The following TLL1 variants were observed in gnomAD, a reference collection of about 807,000 sequenced individuals.
TLL1 encodes the protein tolloid-like protein 1.
In TLL1, 49 loss-of-function variants were observed where a neutral mutation model predicts 128.2. That is an observed-to-expected ratio of 0.38 (90% confidence interval 0.30 to 0.48). The LOEUF (loss-of-function observed/expected upper bound fraction) is 0.48. Ranked by LOEUF, TLL1 falls within the 20% of genes least tolerant of loss-of-function variation. The pLI is 0.96. For missense variants in TLL1, 1,123 were observed against 1,242.0 expected, an observed-to-expected ratio of 0.90 and a Z score of 1.44; for synonymous variants, 454 against 418.8, an observed-to-expected ratio of 1.08 and a Z score of -1.03.
chr4:165,986,105 C>G (rs1736382948), intron 1 of TLL1, among the ~76,000 whole-genome samples: 1 of 151,654 alleles, frequency 6.6e-6, no homozygotes, highest in Non-Finnish European at 1.5e-5. Context: ...GACTGTTTAT[C>G]TCCAACTTTG....
At chr4:166,053,726 A>G (rs1215167237) in intron 12 of TLL1, among the ~76,000 whole-genome samples, 1 of 152,202 alleles carries the variant, frequency 6.6e-6, no homozygotes, top group Non-Finnish European at 1.5e-5. Context: ...ATTCCTTGAC[A>G]TTCTACGTAT....
intron 6 of TLL1, 36 bp downstream of exon 6, chr4:166,003,605 C>A: frequency 6.2e-7 from 1 of 1,601,636 alleles, no homozygotes; most frequent in East Asian, 2.2e-5. Flanking sequence ...TTAAGGCTGA[C>A]TGGGTATCTT....
At chr4:165,904,801 A>G (rs1732171903) in intron 1 of TLL1, among the ~76,000 whole-genome samples, 1 of 152,240 alleles carries the variant, frequency 6.6e-6, no homozygotes, top group African/African-American at 2.4e-5. Context: ...AAGTCTCAAA[A>G]TCTAATAAGA....
intron 5 of TLL1, among the ~76,000 whole-genome samples, chr4:165,997,856 T>A (rs1736953254): frequency 6.6e-6 from 1 of 152,230 alleles, no homozygotes; most frequent in Non-Finnish European, 1.5e-5. Flanking sequence ...TGCATGTTTC[T>A]AAATATATGA....
At chr4:165,906,825 C>A (rs1319314178) in intron 1 of TLL1, among the ~76,000 whole-genome samples, 2 of 142,606 alleles carry the variant, frequency 1.4e-5, no homozygotes, top group African/African-American at 5.1e-5. Flanking sequence ...CTTATTTCTC[C>A]AGTTTTTTTT....
intron 14 of TLL1, 102 bp downstream of exon 14, chr4:166,057,411 G>C: frequency 6.6e-7 from 1 of 1,506,896 alleles, no homozygotes; most frequent in Non-Finnish European, 9.0e-7. Flanking sequence ...TTTTCCTATA[G>C]TGACCTCTTT....
chr4:165,946,902 A>G (rs1385083528), intron 1 of TLL1, among the ~76,000 whole-genome samples: 8 of 152,210 alleles, frequency 5.3e-5, no homozygotes, highest in Admixed American at 1.3e-4. Context: ...AGAAAGAGGA[A>G]CAATTGCTAT....
intron 14 of TLL1, among the ~76,000 whole-genome samples, 193 bp downstream of exon 14, chr4:166,057,502 C>T (rs1351603238): frequency 6.6e-6 from 1 of 152,040 alleles, no homozygotes; most frequent in Non-Finnish European, 1.5e-5. Context: ...GGGTCCTTTC[C>T]TCCTTTGATT....
chr4:165,890,889 C>G (rs1227649903), intron 1 of TLL1, among the ~76,000 whole-genome samples: 1 of 152,196 alleles, frequency 6.6e-6, no homozygotes, highest in Non-Finnish European at 1.5e-5. Flanking sequence ...ACTGCCCTAG[C>G]AGAGGTTCTC....
At chr4:165,975,207 T>A (rs1449276733) in intron 1 of TLL1, among the ~76,000 whole-genome samples, 1 of 152,088 alleles carries the variant, frequency 6.6e-6, no homozygotes, top group Non-Finnish European at 1.5e-5. Context: ...AGTCTTTCAG[T>A]GAACAGCCTT....
At chr4:165,933,321 TGA>T (rs1368726295) in intron 1 of TLL1, among the ~76,000 whole-genome samples, 4 of 152,056 alleles carry the variant, frequency 2.6e-5, no homozygotes, top group Non-Finnish European at 5.9e-5. Context: ...GCCTCAGATC[TGA>T]GTGTTGTTCC....
At chr4:165,895,646 A>AG (rs1187779303) in intron 1 of TLL1, among the ~76,000 whole-genome samples, 1 of 148,290 alleles carries the variant, frequency 6.7e-6, no homozygotes, top group African/African-American at 2.5e-5. Flanking sequence ...AAAAAAAAAA[A>AG]AAAAAAAAAA....
At chr4:166,024,881 A>G (rs1404379660) in intron 8 of TLL1, among the ~76,000 whole-genome samples, 2 of 152,100 alleles carry the variant, frequency 1.3e-5, no homozygotes, top group Non-Finnish European at 2.9e-5. Context: ...ATTATGTAAC[A>G]TTTTTTAAAC....
At chr4:165,943,899 C>G (rs187455958) in intron 1 of TLL1, among the ~76,000 whole-genome samples, 78 of 152,238 alleles carry the variant, frequency 5.1e-4, no homozygotes, top group Non-Finnish European at 8.2e-4. Flanking sequence ...TCCTATTCCG[C>G]TTTCCTTTTA....
chr4:166,054,963 A>G (rs939118116), intron 12 of TLL1, 113 bp from the exon 13 acceptor site: 40 of 824,758 alleles, frequency 4.8e-5, no homozygotes, highest in Non-Finnish European at 7.4e-5. Context: ...CATTTGATAC[A>G]AATAACTTTT....
At chr4:165,902,873 A>G (rs1029072621) in intron 1 of TLL1, among the ~76,000 whole-genome samples, 49 of 152,212 alleles carry the variant, frequency 3.2e-4, no homozygotes, top group African/African-American at 1.1e-3. Context: ...TGTAAAACCT[A>G]AAGTTCTAAA....
At position 166,003,584 on chromosome 4, in the gene TLL1, A is replaced by G. The variant is rs755821776; in HGVS notation, c.811+15A>G. ...CATCCAGCCAGGTGAGAGGCATAGA[A>G]TGTGTTGGGTTTAAGGCTGACTGGG... On this transcript the variant is annotated intron_variant, in intron 6 of 20. Transcript: ENST00000061240. 2.4e-5 allele frequency: 39 copies of G among 1,613,500 alleles called. No homozygotes were observed. The highest frequency in any genetic ancestry group is 3.3e-5 in the Non-Finnish European group (39 of 1,179,628).
In TLL1 at chr4:166,103,680, T is replaced by G. The variant is rs1416481391; in HGVS notation, c.*2804T>G. 1 of 151,858 alleles carries G rather than the reference T, an allele frequency of 6.6e-6. No individual in the cohort carries two copies. Among genetic ancestry groups the G allele is most frequent in the African/African-American group, 2.4e-5 (1 of 41,406 alleles). 9.4% of individuals were successfully genotyped at this position (151,858 alleles called of 1,614,324 possible). A position where few individuals can be genotyped will look rare whatever the true frequency, so the allele number is the denominator to read the frequency against. Reference sequence around the variant, plus strand: ...TAATTCAACATTTGCCTTAAGTGTGTTGTTAAATGAAAGTACAGACAGCTT... The same window carrying G: ...TAATTCAACATTTGCCTTAAGTGTGGTGTTAAATGAAAGTACAGACAGCTT... On this transcript the variant is annotated 3_prime_UTR_variant, in exon 21 of 21. Coordinates refer to ENST00000061240, the MANE Select transcript of TLL1 (RefSeq NM_012464.5).
chr4:165,901,641 C>T (rs1731996593), intron 1 of TLL1, among the ~76,000 whole-genome samples: 1 of 152,190 alleles, frequency 6.6e-6, no homozygotes, highest in Admixed American at 6.5e-5. Flanking sequence ...GGGCACCAGC[C>T]AGATACCAGC....
Sources: allele counts gnomAD v4.1 joint callset (sites outside exome capture counted in the v4.1 genomes callset), GRCh38; gene constraint gnomAD v4.1.1; transcripts MANE v1.5; gene names NCBI Gene and HGNC (gene_info 2026-07-23, HGNC 2026-07-21).